Variants in RORA observed in about 807,000 individuals in gnomAD.
The protein encoded by RORA is nuclear receptor ROR-alpha.
RORA carries 7 observed loss-of-function variants against 69.5 expected under a neutral mutation model. The ratio of observed to expected loss-of-function variants is 0.10; its 90% CI spans 0.06 to 0.19. RORA has a LOEUF of 0.19. RORA is among the 10% of genes least tolerant of loss of function. The pLI, the probability that RORA is intolerant of heterozygous loss-of-function variation, is 1.00. For synonymous variants in RORA, 261 were observed against 240.8 expected (o/e 1.08, Z -0.78); for missense variants, 457 against 663.0 (o/e 0.69, Z 3.41).
chr15:61,004,760 T>C (rs1420958665), intron 1 of RORA, among the ~76,000 whole-genome samples: 1 of 152,182 alleles, frequency 6.6e-6, no homozygotes, highest in Non-Finnish European at 1.5e-5. Flanking sequence ...CCTGCAAACG[T>C]TGCCACGGTT....
At chr15:60,804,196 G>A (rs1287152341) in intron 1 of RORA, among the ~76,000 whole-genome samples, 2 of 150,712 alleles carry the variant, frequency 1.3e-5, no homozygotes, top group Admixed American at 6.6e-5. Context: ...GCGGAGGCAG[G>A]AGAATTGCTT....
intron 1 of RORA, among the ~76,000 whole-genome samples, chr15:60,803,123 A>C (rs2072610928): frequency 6.6e-6 from 1 of 152,236 alleles, no homozygotes; most frequent in Non-Finnish European, 1.5e-5. Context: ...AACCTGGGCC[A>C]TAAATCACCC....
intron 1 of RORA, among the ~76,000 whole-genome samples, chr15:61,160,175 C>A (rs1367995978): frequency 1.3e-5 from 2 of 152,192 alleles, no homozygotes; most frequent in African/African-American, 2.4e-5. Context: ...TGGCACGAAG[C>A]ACTAATCCAA....
chr15:60,985,585 T>C (rs935739276), intron 1 of RORA, among the ~76,000 whole-genome samples: 3 of 140,798 alleles, frequency 2.1e-5, no homozygotes, highest in Non-Finnish European at 4.6e-5. Context: ...TCATCCTCTT[T>C]TTTTTTTTTT....
chr15:60,586,505 C>T (rs2068340966), intron 2 of RORA, among the ~76,000 whole-genome samples: 1 of 152,012 alleles, frequency 6.6e-6, no homozygotes, highest in Admixed American at 6.6e-5. Context: ...TACTAGTCTT[C>T]AAATGACTTA....
intron 1 of RORA, among the ~76,000 whole-genome samples, chr15:61,005,726 T>C (rs541905293): frequency 2.0e-5 from 3 of 152,318 alleles, no homozygotes; most frequent in Admixed American, 1.3e-4. Context: ...TACACTATTA[T>C]TGTGGCCTTT....
At chr15:60,618,796 T>C (rs2069324951) in intron 2 of RORA, among the ~76,000 whole-genome samples, 1 of 152,204 alleles carries the variant, frequency 6.6e-6, no homozygotes, top group Admixed American at 6.5e-5. Context: ...AATAGGTGAT[T>C]TCTTTGTAAC....
intron 1 of RORA, among the ~76,000 whole-genome samples, chr15:60,989,628 C>T (rs1490632968): frequency 1.3e-5 from 2 of 152,146 alleles, no homozygotes; most frequent in Non-Finnish European, 2.9e-5. Flanking sequence ...AGGCAGGAAC[C>T]CTGCCTGAGG....
At chr15:60,597,551 CATATATATATATATATAT>C (rs1203238304) in intron 2 of RORA, among the ~76,000 whole-genome samples, 1 of 25,124 alleles carries the variant, frequency 4.0e-5, no homozygotes, top group African/African-American at 1.4e-4. Context: ...ACACACACAA[CATATATATATATATATAT>C]ATATACACAT....
intron 1 of RORA, among the ~76,000 whole-genome samples, chr15:60,715,734 T>C (rs2071210719): frequency 1.3e-5 from 2 of 152,186 alleles, no homozygotes; most frequent in South Asian, 4.1e-4. Flanking sequence ...GTGTACACAG[T>C]TGTGTTTGTG....
At chr15:61,146,519 T>C (rs973226070) in intron 1 of RORA, among the ~76,000 whole-genome samples, 8 of 151,638 alleles carry the variant, frequency 5.3e-5, no homozygotes, top group African/African-American at 1.7e-4. Context: ...ATTTAGAAAA[T>C]GGATGCAGTT....
chr15:61,164,515 G>A (rs1374300803), intron 1 of RORA, among the ~76,000 whole-genome samples: 2 of 152,144 alleles, frequency 1.3e-5, no homozygotes, highest in African/African-American at 2.4e-5. Flanking sequence ...AGGCTAGAAC[G>A]GTTTGCAATT....
intron 2 of RORA, among the ~76,000 whole-genome samples, chr15:60,592,208 G>A (rs907656646): frequency 2.0e-5 from 3 of 151,850 alleles, no homozygotes; most frequent in East Asian, 2.0e-4. Flanking sequence ...GGCCGATCCC[G>A]TGGCCGGGCT....
At chr15:61,064,516 A>G (rs1176061063) in intron 1 of RORA, among the ~76,000 whole-genome samples, 1 of 152,212 alleles carries the variant, frequency 6.6e-6, no homozygotes, top group African/African-American at 2.4e-5. Flanking sequence ...GAGAGTCATC[A>G]GGGAGCTTGT....
intron 2 of RORA, among the ~76,000 whole-genome samples, chr15:60,634,399 C>CT (rs10604472): frequency 8.5e-4 from 121 of 142,668 alleles, no homozygotes; most frequent in Admixed American, 1.5e-3. Flanking sequence ...AGTGCTACCA[C>CT]TTTTTTTTTT....
chr15:60,622,463 T>C (rs985970339), intron 2 of RORA, among the ~76,000 whole-genome samples: 1 of 151,638 alleles, frequency 6.6e-6, no homozygotes, highest in Non-Finnish European at 1.5e-5. Flanking sequence ...AATACAAAAA[T>C]TAGCTGGGCA....
At chr15:60,840,700 ATCT>A (rs1476695232) in intron 1 of RORA, among the ~76,000 whole-genome samples, 1 of 152,254 alleles carries the variant, frequency 6.6e-6, no homozygotes, top group Non-Finnish European at 1.5e-5. Flanking sequence ...TTCACAGCAC[ATCT>A]TCTTACCCAG....
intron 1 of RORA, among the ~76,000 whole-genome samples, chr15:61,122,872 G>C (rs1596008285): frequency 1.3e-5 from 2 of 152,208 alleles, no homozygotes; most frequent in Non-Finnish European, 1.5e-5. Context: ...GTGCATTACT[G>C]AGTAAAATAT....
At chr15:60,692,300 T>C (rs993061112) in intron 1 of RORA, among the ~76,000 whole-genome samples, 5 of 152,330 alleles carry the variant, frequency 3.3e-5, no homozygotes, top group African/African-American at 2.4e-5. Context: ...TTATTATTAT[T>C]ATTACTTAAT....
Sources: allele counts gnomAD v4.1 joint callset (sites outside exome capture counted in the v4.1 genomes callset), GRCh38; gene constraint gnomAD v4.1.1; transcripts MANE v1.5; gene names NCBI Gene and HGNC (gene_info 2026-07-23, HGNC 2026-07-21).